Variants in CADM2 observed in about 807,000 individuals in gnomAD.
CADM2 encodes the protein immunoglobulin superfamily member 4D.
Under a neutral mutation model 49.8 loss-of-function variants are expected in CADM2, and 12 were observed. The ratio of observed to expected loss-of-function variants is 0.24; its 90% CI spans 0.15 to 0.39. The LOEUF (loss-of-function observed/expected upper bound fraction) is 0.39. CADM2 is among the 10% of genes least tolerant of loss of function. The pLI is 1.00. For synonymous variants in CADM2, 214 were observed against 175.4 expected (o/e 1.22, Z -1.74); for missense variants, 378 against 492.3 (o/e 0.77, Z 2.20).
At chr3:85,910,916 GCAT>G (rs1402983294) in intron 5 of CADM2, among the ~76,000 whole-genome samples, 1 of 151,952 alleles carries the variant, frequency 6.6e-6, no homozygotes, top group Non-Finnish European at 1.5e-5. Context: ...TAGTGAACAT[GCAT>G]ATGTCTATTA....
chr3:85,996,290 C>CTTTT (rs397990432), intron 8 of CADM2, among the ~76,000 whole-genome samples: 11 of 89,294 alleles, frequency 1.2e-4, no homozygotes, highest in African/African-American at 2.1e-4. Flanking sequence ...TTTTCATTTA[C>CTTTT]TTTTTTTTTT....
intron 1 of CADM2, among the ~76,000 whole-genome samples, chr3:85,633,914 A>G (rs1323622687): frequency 6.6e-6 from 1 of 152,060 alleles, no homozygotes; most frequent in Admixed American, 6.6e-5. Flanking sequence ...AATAGTGTCA[A>G]TTCTGCCTAT....
intron 1 of CADM2, among the ~76,000 whole-genome samples, chr3:85,314,478 C>T (rs568532665): frequency 6.6e-6 from 1 of 151,596 alleles, no homozygotes; most frequent in Non-Finnish European, 1.5e-5. Flanking sequence ...TAAAAAAAAA[C>T]CTTCATAATC....
chr3:85,308,266 T>C (rs1218183105), intron 1 of CADM2, among the ~76,000 whole-genome samples: 1 of 149,686 alleles, frequency 6.7e-6, no homozygotes, highest in African/African-American at 2.5e-5. Context: ...AAGATTCAAG[T>C]TTTTTTTTAT....
At chr3:84,975,734 T>G (rs1439044445) in intron 1 of CADM2, among the ~76,000 whole-genome samples, 1 of 151,848 alleles carries the variant, frequency 6.6e-6, no homozygotes, top group African/African-American at 2.4e-5. Flanking sequence ...TGCAAGTCTT[T>G]TATCTGTGGA....
chr3:85,542,610 C>T (rs894952361), intron 1 of CADM2, among the ~76,000 whole-genome samples: 2 of 152,050 alleles, frequency 1.3e-5, no homozygotes, highest in Non-Finnish European at 2.9e-5. Context: ...TAGCCTATGC[C>T]CTAGCTCTCT....
intron 1 of CADM2, among the ~76,000 whole-genome samples, chr3:85,590,391 C>A (rs1331576862): frequency 1.3e-5 from 2 of 151,832 alleles, no homozygotes; most frequent in South Asian, 4.1e-4. Flanking sequence ...TCAATGAATT[C>A]ATTATCTAAA....
At chr3:85,818,807 C>T (rs1279020080) in intron 3 of CADM2, among the ~76,000 whole-genome samples, 1 of 151,908 alleles carries the variant, frequency 6.6e-6, no homozygotes. Context: ...GGTGTGACAT[C>T]ATGATGGCCT....
At chr3:85,044,877 C>T (rs1371094847) in intron 1 of CADM2, among the ~76,000 whole-genome samples, 1 of 146,408 alleles carries the variant, frequency 6.8e-6, no homozygotes, top group African/African-American at 2.5e-5. Flanking sequence ...AAAAAATAAT[C>T]CCTCAAACTG....
At chr3:85,602,452 G>T (rs2063433601) in intron 1 of CADM2, among the ~76,000 whole-genome samples, 1 of 151,754 alleles carries the variant, frequency 6.6e-6, no homozygotes, top group South Asian at 2.1e-4. Context: ...TGCAAAATGA[G>T]ACTTAATCTC....
At chr3:85,979,303 T>C in intron 8 of CADM2, 2 of 1,607,946 alleles carry the variant, frequency 1.2e-6, no homozygotes, top group Non-Finnish European at 1.7e-6. Flanking sequence ...GTTTCTTTGT[T>C]ATAGCCTGGA....
At chr3:85,883,108 A>G (rs1713052400) in intron 3 of CADM2, among the ~76,000 whole-genome samples, 183 bp from the exon 4 acceptor site, 1 of 152,222 alleles carries the variant, frequency 6.6e-6, no homozygotes, top group Non-Finnish European at 1.5e-5. Context: ...TTCTACTTTG[A>G]TTTTTAAAAA....
intron 8 of CADM2, among the ~76,000 whole-genome samples, chr3:86,019,762 C>T (rs1430662537): frequency 6.6e-6 from 1 of 152,030 alleles, no homozygotes; most frequent in Non-Finnish European, 1.5e-5. Flanking sequence ...TGCTTATCAG[C>T]TTAAGGAGAT....
At chr3:85,843,895 T>C (rs924591845) in intron 3 of CADM2, among the ~76,000 whole-genome samples, 2 of 151,102 alleles carry the variant, frequency 1.3e-5, no homozygotes, top group Admixed American at 6.6e-5. Flanking sequence ...TGTATGTGTG[T>C]GTGGGGGGGG....
intron 1 of CADM2, among the ~76,000 whole-genome samples, chr3:85,543,294 G>A (rs3887452): frequency 0.21 from 30,147 of 144,748 alleles, 3,873 homozygotes; most frequent in East Asian, 0.31. Context: ...TTGCCCCGTC[G>A]CCCAGGCTGG....
chr3:85,674,602 A>C (rs1226979470), intron 1 of CADM2, among the ~76,000 whole-genome samples: 1 of 152,196 alleles, frequency 6.6e-6, no homozygotes, highest in African/African-American at 2.4e-5. Context: ...AAATGAGATT[A>C]TTTAAACAGA....
chr3:85,807,702 C>T (rs903851737), intron 3 of CADM2, among the ~76,000 whole-genome samples: 1 of 152,020 alleles, frequency 6.6e-6, no homozygotes, highest in Non-Finnish European at 1.5e-5. Context: ...AGACATATTT[C>T]AAGTACTCAA....
intron 2 of CADM2, among the ~76,000 whole-genome samples, chr3:85,767,685 C>A (rs975765118): frequency 9.9e-5 from 15 of 152,076 alleles, no homozygotes; most frequent in African/African-American, 2.9e-4. Flanking sequence ...TGTGGCATTA[C>A]AGAAACAATT....
chr3:85,161,622 T>A (rs532909231), intron 1 of CADM2, among the ~76,000 whole-genome samples: 1 of 152,262 alleles, frequency 6.6e-6, no homozygotes, highest in South Asian at 2.1e-4. Flanking sequence ...TGGGATGTAT[T>A]TATCTGCTGA....
Sources: gnomAD v4.1 joint callset for allele counts (sites outside exome capture counted in the v4.1 genomes callset) on GRCh38, gnomAD v4.1.1 for gene constraint, MANE v1.5 for transcripts, NCBI Gene and HGNC (gene_info 2026-07-23, HGNC 2026-07-21) for gene names.